The following PSMD14 variants were observed in gnomAD, a reference collection of about 807,000 sequenced individuals.
PSMD14 encodes proteasome 26S subunit, non-ATPase 14.
In PSMD14, 7 loss-of-function variants were observed where a neutral mutation model predicts 41.2. The ratio of observed to expected loss-of-function variants is 0.17; its 90% CI spans 0.10 to 0.32. The LOEUF is 0.32. Among genes scored for constraint, PSMD14 ranks in the 10% least tolerant of loss-of-function variants. PSMD14 has a pLI of 1.00. For synonymous variants in PSMD14, 114 were observed against 122.3 expected (o/e 0.93, Z 0.45); for missense variants, 139 against 375.6 (o/e 0.37, Z 5.21).
chr2:161,387,458 G>C (rs1683648319), intron 8 of PSMD14, among the ~76,000 whole-genome samples: 2 of 151,916 alleles, frequency 1.3e-5, no homozygotes, highest in Non-Finnish European at 2.9e-5. Context: ...AAGTAGTAGG[G>C]ATAAAAGTCT....
At position 161,386,376 on chromosome 2, in the gene PSMD14, T is replaced by C. The variant is rs150915262; in HGVS notation, c.570+805T>C. ...TATAGTAGCTATTGCTGCTCCCTTC[T>C]GAAACCTTGCTCTGTCATGAGGTTG... On this transcript the variant is annotated intron_variant, in intron 8 of 11. Transcript: ENST00000409682. 9.9e-5 allele frequency among the ~76,000 whole-genome samples: 15 copies of C among 152,026 alleles called. No individual in the cohort carries two copies. In the East Asian group the frequency reaches 2.9e-3, roughly 29 times the overall value.
At chr2:161,333,263 G>C (rs901240335) in intron 3 of PSMD14, among the ~76,000 whole-genome samples, 3 of 152,174 alleles carry the variant, frequency 2.0e-5, no homozygotes, top group Admixed American at 1.3e-4. Context: ...TTCCTCAAAT[G>C]CCTGTGCATG....
chr2:161,364,858 C>T (rs1683337787), intron 3 of PSMD14, among the ~76,000 whole-genome samples: 1 of 152,076 alleles, frequency 6.6e-6, no homozygotes, highest in Non-Finnish European at 1.5e-5. Context: ...AATGCTAGCA[C>T]TTTGGGAGAC....
chr2:161,393,839 CTT>C (rs1483338787), intron 9 of PSMD14, among the ~76,000 whole-genome samples: 1 of 151,946 alleles, frequency 6.6e-6, no homozygotes, highest in African/African-American at 2.4e-5. Context: ...AACTTGAAAA[CTT>C]AGGAACATCT....
chr2:161,336,315 T>C lies in PSMD14; in HGVS notation c.48+17442T>C, dbSNP rs141439805. Among the ~76,000 whole-genome samples the C allele has an allele frequency of 3.3e-4, 50 of 152,344 alleles. 1 individual carries two copies. The highest frequency in any genetic ancestry group is 2.6e-4 in the Admixed American group (4 of 15,298). ...TAGTTAAATTTAAGCAGAGTCACCA[T>C]ATTAATAAAACACTGCTTGTATTTG... On this transcript the variant is annotated intron_variant, in intron 3 of 11. Transcript: ENST00000409682.
chr2:161,405,208 T>G (rs1346039569), intron 10 of PSMD14, among the ~76,000 whole-genome samples: 1 of 152,160 alleles, frequency 6.6e-6, no homozygotes, highest in African/African-American at 2.4e-5. Flanking sequence ...CTCCCATGGT[T>G]TTTCCCTTTC....
At chr2:161,341,067 G>A (rs1477191785) in intron 3 of PSMD14, 3 of 1,557,952 alleles carry the variant, frequency 1.9e-6, no homozygotes, top group East Asian at 2.3e-5. Context: ...CCCCGGTCCC[G>A]CAGGCTCCCC....
chr2:161,398,000 A>G (rs1285748764), intron 10 of PSMD14, among the ~76,000 whole-genome samples: 4 of 152,214 alleles, frequency 2.6e-5, no homozygotes, highest in African/African-American at 9.6e-5. Context: ...CTTTAACATT[A>G]CACGTTTAAG....
intron 8 of PSMD14, among the ~76,000 whole-genome samples, chr2:161,388,764 A>G (rs776616977): frequency 6.6e-6 from 1 of 152,136 alleles, no homozygotes; most frequent in Non-Finnish European, 1.5e-5. Flanking sequence ...ACTTTTAAAA[A>G]CTTATCAGGA....
chr2:161,338,049 A>T (rs1682893747), intron 3 of PSMD14, among the ~76,000 whole-genome samples: 1 of 152,204 alleles, frequency 6.6e-6, no homozygotes, highest in African/African-American at 2.4e-5. Flanking sequence ...ATGATGAGAA[A>T]ATCTAAAAAC....
intron 3 of PSMD14, among the ~76,000 whole-genome samples, chr2:161,331,159 T>C (rs1292567494): frequency 6.6e-6 from 1 of 152,218 alleles, no homozygotes; most frequent in African/African-American, 2.4e-5. Flanking sequence ...AATTTGTACC[T>C]GGTTTCACGG....
chr2:161,350,181 GTTAC>G (rs1466951942), intron 3 of PSMD14, among the ~76,000 whole-genome samples: 3 of 152,214 alleles, frequency 2.0e-5, no homozygotes, highest in Admixed American at 2.0e-4. Flanking sequence ...AGTACTTGTA[GTTAC>G]TTGGGGATAG....
At chr2:161,383,128 A>G (rs752274985) in intron 7 of PSMD14, 18 of 151,770 alleles carry the variant, frequency 1.2e-4, no homozygotes, top group Non-Finnish European at 2.1e-4. Context: ...TAATGAGTCT[A>G]TTTTGATAGG....
chr2:161,341,828 T>G (rs1682965925), intron 3 of PSMD14, among the ~76,000 whole-genome samples: 1 of 138,006 alleles, frequency 7.2e-6, no homozygotes, highest in Non-Finnish European at 1.5e-5. Flanking sequence ...ACAGAACAAG[T>G]CTCCTTCTCC....
intron 3 of PSMD14, among the ~76,000 whole-genome samples, chr2:161,357,603 T>C (rs1559046151): frequency 1.3e-5 from 2 of 152,146 alleles, no homozygotes; most frequent in Admixed American, 1.3e-4. Flanking sequence ...TAGTTTCATA[T>C]TTTTTACAGA....
At chr2:161,356,725 A>G (rs1323876059) in intron 3 of PSMD14, among the ~76,000 whole-genome samples, 1 of 151,320 alleles carries the variant, frequency 6.6e-6, no homozygotes, top group East Asian at 1.9e-4. Context: ...AGCCATTATA[A>G]AAATAAGCCA....
intron 3 of PSMD14, among the ~76,000 whole-genome samples, chr2:161,365,006 G>A (rs1683339831): frequency 6.6e-6 from 1 of 152,114 alleles, no homozygotes; most frequent in Non-Finnish European, 1.5e-5. Flanking sequence ...TCAGGAGGCT[G>A]AGACAGGAAG....
intron 11 of PSMD14, among the ~76,000 whole-genome samples, chr2:161,409,265 G>A (rs916909196): frequency 5.9e-5 from 9 of 152,030 alleles, no homozygotes; most frequent in Admixed American, 2.0e-4. Flanking sequence ...TTATCAATAT[G>A]TAGGTAATAT....
chr2:161,332,519 A>G (rs994730384), intron 3 of PSMD14, among the ~76,000 whole-genome samples: 3 of 152,210 alleles, frequency 2.0e-5, no homozygotes, highest in Non-Finnish European at 4.4e-5. Context: ...AGACTTGCCA[A>G]TTAGCCATCA....
Sources: allele counts gnomAD v4.1 joint callset (sites outside exome capture counted in the v4.1 genomes callset), GRCh38; gene constraint gnomAD v4.1.1; transcripts MANE v1.5; gene names NCBI Gene and HGNC (gene_info 2026-07-23, HGNC 2026-07-21).